CLVS1: variants seen among roughly 807,000 people sequenced by gnomAD.
CLVS1 encodes clavesin-1.
In CLVS1, 10 loss-of-function variants were observed where a neutral mutation model predicts 33.1. The observed-to-expected ratio is 0.30, with a 90% CI of 0.19 to 0.51. CLVS1 has a LOEUF of 0.51. Ranked by LOEUF, CLVS1 falls within the 20% of genes least tolerant of loss-of-function variation. The pLI is 0.97. For synonymous variants in CLVS1, 163 were observed against 166.1 expected (o/e 0.98, Z 0.14); for missense variants, 343 against 433.4 (o/e 0.79, Z 1.85).
chr8:61,355,895 G>A (rs1812681692), intron 2 of CLVS1, among the ~76,000 whole-genome samples: 1 of 152,208 alleles, frequency 6.6e-6, no homozygotes, highest in African/African-American at 2.4e-5. Context: ...TGTTTTTATA[G>A]CAGCATGATT....
intron 2 of CLVS1, among the ~76,000 whole-genome samples, chr8:61,158,694 A>G (rs1235493798): frequency 6.6e-6 from 1 of 152,098 alleles, no homozygotes; most frequent in Admixed American, 6.5e-5. Context: ...AAGAAAGGAG[A>G]CTAAGGAAAG....
At chr8:61,198,030 G>A (rs992234014) in intron 2 of CLVS1, among the ~76,000 whole-genome samples, 7 of 152,182 alleles carry the variant, frequency 4.6e-5, no homozygotes, top group African/African-American at 1.7e-4. Flanking sequence ...GTTAAAGCCA[G>A]GTGCTATGAT....
At chr8:61,451,180 G>C (rs1424265639) in intron 3 of CLVS1, among the ~76,000 whole-genome samples, 1 of 151,636 alleles carries the variant, frequency 6.6e-6, no homozygotes, top group Non-Finnish European at 1.5e-5. Flanking sequence ...AAAAAAGCAG[G>C]GGTTATTTGT....
At chr8:61,483,943 T>C (rs1803767149) in intron 5 of CLVS1, among the ~76,000 whole-genome samples, 1 of 152,006 alleles carries the variant, frequency 6.6e-6, no homozygotes, top group Non-Finnish European at 1.5e-5. Flanking sequence ...GATGGGAGTA[T>C]CTCAAAATAT....
chr8:60,988,707 T>C, the CLVS1 span, among the ~76,000 whole-genome samples: 1 of 152,232 alleles, frequency 6.6e-6, no homozygotes, highest in East Asian at 1.9e-4. Context: ...TTTTTTTGTT[T>C]ATGTTTTAAA....
chr8:61,030,414 T>TA, the CLVS1 span, among the ~76,000 whole-genome samples: 2 of 152,060 alleles, frequency 1.3e-5, no homozygotes, highest in African/African-American at 4.8e-5. Flanking sequence ...TTTGCAACAT[T>TA]AATGGAGATG....
At chr8:61,155,505 T>A (rs1223364633) in intron 2 of CLVS1, among the ~76,000 whole-genome samples, 1 of 152,234 alleles carries the variant, frequency 6.6e-6, no homozygotes, top group Non-Finnish European at 1.5e-5. Flanking sequence ...TAATGGTGAT[T>A]ATTCAAATGT....
At chr8:61,158,253 A>G (rs1337877540) in intron 2 of CLVS1, among the ~76,000 whole-genome samples, 1 of 152,150 alleles carries the variant, frequency 6.6e-6, no homozygotes, top group African/African-American at 2.4e-5. Context: ...CTCATATAAG[A>G]TTCGAAATGG....
At chr8:61,232,083 G>A (rs1369874151) in intron 2 of CLVS1, among the ~76,000 whole-genome samples, 3 of 136,748 alleles carry the variant, frequency 2.2e-5, no homozygotes, top group African/African-American at 6.2e-5. Context: ...TGCCCAGGCT[G>A]GAATGTAGTG....
At chr8:61,357,961 G>T (rs1346806903) in intron 2 of CLVS1, among the ~76,000 whole-genome samples, 2 of 152,170 alleles carry the variant, frequency 1.3e-5, no homozygotes, top group African/African-American at 4.8e-5. Flanking sequence ...CAGACAGGAA[G>T]TTCAAATCTT....
rs778086224 is a variant in CLVS1 at position 61,062,722 on chromosome 8, G to A, written c.-243+5492G>A. On this transcript the variant is annotated intron_variant, in intron 1 of 2. Transcript: ENST00000522621. Reference sequence around the variant, plus strand: ...GCATTTTGACTGCATTATGGTCCACGGGCCAAAAGAAGTGCCCTTATGTTG... The same window carrying A: ...GCATTTTGACTGCATTATGGTCCACAGGCCAAAAGAAGTGCCCTTATGTTG... Among the ~76,000 whole-genome samples, 3 of 152,142 alleles carry A rather than the reference G, an allele frequency of 2.0e-5. No homozygotes were observed. The South Asian group carries it at 6.2e-4, about 32-fold the overall frequency.
chr8:61,232,036 T>TTTG (rs1321250223), intron 2 of CLVS1, among the ~76,000 whole-genome samples: 1 of 64,616 alleles, frequency 1.5e-5, no homozygotes, highest in Admixed American at 1.8e-4. Flanking sequence ...TTTTTTTTTT[T>TTTG]TTTTTTTTTT....
intron 1 of CLVS1, among the ~76,000 whole-genome samples, chr8:61,108,415 G>T (rs1805575143): frequency 6.6e-6 from 1 of 152,000 alleles, no homozygotes; most frequent in African/African-American, 2.4e-5. Flanking sequence ...TTGCAATTCT[G>T]GTATCCAAAA....
chr8:61,106,093 T>G (rs1424306069), intron 1 of CLVS1, among the ~76,000 whole-genome samples: 5 of 152,204 alleles, frequency 3.3e-5, no homozygotes, highest in African/African-American at 4.8e-5. Context: ...TGTGAGCAGA[T>G]TCCGCCACGT....
intron 1 of CLVS1, among the ~76,000 whole-genome samples, chr8:61,124,100 T>C (rs904696473): frequency 3.3e-5 from 5 of 152,208 alleles, no homozygotes; most frequent in African/African-American, 1.2e-4. Context: ...ATTTTAAAAT[T>C]TGCTGAAACT....
At chr8:60,990,353 G>A in the CLVS1 span, among the ~76,000 whole-genome samples, 14 of 152,138 alleles carry the variant, frequency 9.2e-5, no homozygotes, top group Non-Finnish European at 1.8e-4. Context: ...GATGGCACAC[G>A]TTTATGTTAT....
chr8:61,379,942 G>C (rs1016485334), intron 3 of CLVS1, among the ~76,000 whole-genome samples: 5 of 152,198 alleles, frequency 3.3e-5, no homozygotes, highest in Non-Finnish European at 7.3e-5. Flanking sequence ...TCTTCAGCTA[G>C]AGGTTCCAAA....
intron 1 of CLVS1, among the ~76,000 whole-genome samples, chr8:61,290,857 A>G (rs763297540): frequency 3.3e-5 from 5 of 152,116 alleles, no homozygotes; most frequent in Non-Finnish European, 7.4e-5. Flanking sequence ...TCTCCCAAAT[A>G]TTGCTTGTTT....
At chr8:61,473,918 T>C (rs1271220914) in intron 5 of CLVS1, among the ~76,000 whole-genome samples, 1 of 152,168 alleles carries the variant, frequency 6.6e-6, no homozygotes, top group Non-Finnish European at 1.5e-5. Context: ...GCTTGTGTGG[T>C]ATCTGGTTAG....
Sources: gnomAD v4.1 joint callset for allele counts (sites outside exome capture counted in the v4.1 genomes callset) on GRCh38, gnomAD v4.1.1 for gene constraint, MANE v1.5 for transcripts, NCBI Gene and HGNC (gene_info 2026-07-23, HGNC 2026-07-21) for gene names.